FRMPD4: variants seen among roughly 807,000 people sequenced by gnomAD.
The protein encoded by FRMPD4 is FERM and PDZ domain containing 4.
In FRMPD4, 22 loss-of-function variants were observed where a neutral mutation model predicts 94.1. The ratio of observed to expected loss-of-function variants is 0.23; its 90% CI spans 0.17 to 0.33. The LOEUF (loss-of-function observed/expected upper bound fraction) is 0.33. FRMPD4 is among the 10% of genes least tolerant of loss of function. The pLI is 1.00. For synonymous variants in FRMPD4, 631 were observed against 548.6 expected, an observed-to-expected ratio of 1.15 and a Z score of -2.10; for missense variants, 1,111 against 1,339.9, an observed-to-expected ratio of 0.83 and a Z score of 2.67.
chrX:12,721,484 C>T lies in FRMPD4; in HGVS notation c.4915C>T (p.Leu1639Phe). The T allele has an allele frequency of 1.3e-6, 1 of 755,805 alleles. No homozygotes were observed. The highest frequency in any genetic ancestry group is 1.6e-6 in the Non-Finnish European group (1 of 639,136). 62.3% of individuals were successfully genotyped at this position (755,805 alleles called of 1,213,427 possible). ...ESRPEAYDLT[L>F]SQYKQLLSIE... Reference sequence around the variant, plus strand: ...ACGCCCTGAAGCGTACGACCTTACACTTTCTCAGTACAAGCAACTGTTATC... The same window carrying T: ...ACGCCCTGAAGCGTACGACCTTACATTTTCTCAGTACAAGCAACTGTTATC... Residue 1639 changes from leucine to phenylalanine, a missense_variant, in exon 17 of 17, where the codon CTT becomes TTT. Physicochemically the swap from Leu to Phe is conservative, Grantham distance 22. This residue lies in a region of FRMPD4 where 551 missense variants were observed against 591.6 expected (regional missense o/e 0.93). Coordinates refer to ENST00000675598, the MANE Select transcript of FRMPD4 (RefSeq NM_001368397.1).
chrX:12,199,237 A>ATGTGTGTGTGTGTG lies in FRMPD4; in HGVS notation c.41+60245_41+60258dup, dbSNP rs5901464. On this transcript the variant is annotated intron_variant, in intron 1 of 16. Transcript: ENST00000675598. ...GACAATTTAAATGTTAGAAAGGAAA[A>ATGTGTGTGTGTGTG]TGTGTGTGTGTGTGTGTGTGTGTGT... is the stretch of plus-strand genomic sequence containing the variant. 2.5e-3 allele frequency among the ~76,000 whole-genome samples: 227 copies of ATGTGTGTGTGTGTG among 91,272 alleles called. 2 individuals carry two copies. The highest frequency in any genetic ancestry group is 8.5e-3 in the African/African-American group (204 of 24,075). 79.3% of individuals were successfully genotyped at this position (91,272 alleles called of 115,157 possible).
intron 1 of FRMPD4, among the ~76,000 whole-genome samples, chrX:12,228,948 A>G (rs547621205): frequency 8.9e-6 from 1 of 112,170 alleles, no homozygotes; most frequent in Admixed American, 9.4e-5. Context: ...GTGTCAGTTG[A>G]TAGGAAGATT....
intron 1 of FRMPD4, among the ~76,000 whole-genome samples, chrX:12,164,805 A>G (rs1435794410): frequency 7.1e-5 from 8 of 112,595 alleles, no homozygotes; most frequent in South Asian, 3.7e-4. Context: ...GCCAGTGATG[A>G]CAAGCATTTT....
In FRMPD4 at chrX:12,540,766, C is replaced by T. The variant is rs750601827; in HGVS notation, c.158+41970C>T. Among the ~76,000 whole-genome samples, 3 of 111,998 alleles carry T rather than the reference C, an allele frequency of 2.7e-5. No individual in the cohort carries two copies. The South Asian group carries it at 1.1e-3, about 43-fold the overall frequency. On this transcript the variant is annotated intron_variant, in intron 2 of 16. Coordinates refer to ENST00000675598, the MANE Select transcript of FRMPD4 (RefSeq NM_001368397.1). Reference sequence around the variant, plus strand: ...TAATAGACATCTACAGAACTCTCCACCCCAAATCAACAGAATATACGTTCT... The same window carrying T: ...TAATAGACATCTACAGAACTCTCCATCCCAAATCAACAGAATATACGTTCT...
At chrX:12,585,147 A>T (rs976555573) in intron 2 of FRMPD4, among the ~76,000 whole-genome samples, 2 of 110,700 alleles carry the variant, frequency 1.8e-5, no homozygotes, top group African/African-American at 6.6e-5. Context: ...CGAACTCCTG[A>T]CCTCAAGTGA....
intron 1 of FRMPD4, among the ~76,000 whole-genome samples, chrX:12,488,627 A>C (rs1266673331): frequency 7.6e-5 from 6 of 79,370 alleles, no homozygotes; most frequent in Non-Finnish European, 1.8e-4. Flanking sequence ...TGGAAAATAG[A>C]ATTTTTTTTT....
At chrX:12,312,577 G>A (rs761214997) in intron 1 of FRMPD4, among the ~76,000 whole-genome samples, 5 of 110,686 alleles carry the variant, frequency 4.5e-5, no homozygotes, top group Non-Finnish European at 9.4e-5. Context: ...GTACTTTCCT[G>A]TTCTTTGTAG....
intron 1 of FRMPD4, among the ~76,000 whole-genome samples, chrX:12,202,183 G>A (rs138128822): frequency 7.4e-4 from 82 of 111,141 alleles, no homozygotes; most frequent in African/African-American, 2.4e-3. Context: ...CAGTGTACAC[G>A]GACTATTTTG....
At position 11,964,691 on chromosome X, in the gene FRMPD4, TTATC is replaced by T. The variant is rs200897419; in HGVS notation, c.95+86677_95+86680del. ...GACAATTATTACTGTAGATTTTTATTTATCTATTTAAGATTATGTCCTGTGTCAG... is the reference window on the plus strand; with the variant it reads ...GACAATTATTACTGTAGATTTTTATTTATTTAAGATTATGTCCTGTGTCAG... On this transcript the variant is annotated intron_variant, in intron 3 of 18. Coordinates refer to the FRMPD4 transcript ENST00000640291. Among the ~76,000 whole-genome samples the T allele has an allele frequency of 5.2e-3, 587 of 112,566 alleles. 9 individuals are homozygous for T. Among genetic ancestry groups the T allele is most frequent in the East Asian group, 0.05 (177 of 3,571 alleles).
At chrX:12,016,614 A>C (rs1484819128) in intron 3 of FRMPD4, among the ~76,000 whole-genome samples, 2 of 112,253 alleles carry the variant, frequency 1.8e-5, no homozygotes, top group Non-Finnish European at 3.8e-5. Flanking sequence ...AAGGAAAAAA[A>C]AATTACATGG....
intron 3 of FRMPD4, among the ~76,000 whole-genome samples, chrX:11,885,336 T>G (rs1358170765): frequency 9.0e-6 from 1 of 110,893 alleles, no homozygotes; most frequent in Non-Finnish European, 1.9e-5. Context: ...ATGAGGTATC[T>G]AGAGTAATCT....
At chrX:12,548,397 A>C (rs1429421723) in intron 2 of FRMPD4, among the ~76,000 whole-genome samples, 1 of 112,600 alleles carries the variant, frequency 8.9e-6, no homozygotes, top group Non-Finnish European at 1.9e-5. Context: ...TCATTGCAGC[A>C]TGGTAACTTA....
intron 2 of FRMPD4, among the ~76,000 whole-genome samples, chrX:12,563,751 G>C (rs1198221629): frequency 3.6e-5 from 4 of 112,158 alleles, no homozygotes; most frequent in Non-Finnish European, 7.5e-5. Flanking sequence ...ATGCTGACTG[G>C]TCTGGAATGC....
intron 1 of FRMPD4, among the ~76,000 whole-genome samples, chrX:11,846,362 T>C (rs1254818438): frequency 9.1e-6 from 1 of 109,835 alleles, no homozygotes; most frequent in Non-Finnish European, 1.9e-5. Flanking sequence ...TACAAACCAC[T>C]GCTCAATGAA....
At chrX:12,569,792 G>C (rs1213934851) in intron 2 of FRMPD4, among the ~76,000 whole-genome samples, 21 of 112,007 alleles carry the variant, frequency 1.9e-4, no homozygotes, top group Non-Finnish European at 1.3e-4. Flanking sequence ...GTTCAATCTG[G>C]AGGTAAATGT....
intron 4 of FRMPD4, among the ~76,000 whole-genome samples, chrX:12,643,555 G>C (rs1448422122): frequency 8.9e-6 from 1 of 112,184 alleles, no homozygotes; most frequent in Non-Finnish European, 1.9e-5. Flanking sequence ...AATAGCTAGA[G>C]GACTGGACAG....
At chrX:12,012,738 A>G (rs755154453) in intron 3 of FRMPD4, among the ~76,000 whole-genome samples, 3 of 112,640 alleles carry the variant, frequency 2.7e-5, no homozygotes, top group Non-Finnish European at 3.7e-5. Flanking sequence ...GAGAAGAACT[A>G]TATAACATTA....
At chrX:12,017,465 T>C (rs942750575) in intron 3 of FRMPD4, among the ~76,000 whole-genome samples, 4 of 112,376 alleles carry the variant, frequency 3.6e-5, no homozygotes, top group Non-Finnish European at 7.5e-5. Flanking sequence ...TAACTATCAA[T>C]TCTTTTTTTA....
chrX:12,030,257 T>G (rs993108645), intron 3 of FRMPD4, among the ~76,000 whole-genome samples: 2 of 112,130 alleles, frequency 1.8e-5, no homozygotes, highest in African/African-American at 6.5e-5. Context: ...TGCAACATCT[T>G]TTGTTGTTCC....
Sources: gnomAD v4.1 joint callset for allele counts (sites outside exome capture counted in the v4.1 genomes callset) on GRCh38, gnomAD v4.1.1 for gene constraint, gnomAD v4.1.1 regional missense constraint, MANE v1.5 for transcripts, NCBI Gene and HGNC (gene_info 2026-07-23, HGNC 2026-07-21) for gene names.